Variants in ENPP3 observed in about 807,000 individuals in gnomAD.
ENPP3 encodes ectonucleotide pyrophosphatase/phosphodiesterase 3.
ENPP3 carries 104 observed loss-of-function variants against 117.8 expected under a neutral mutation model. The ratio of observed to expected loss-of-function variants is 0.88; its 90% confidence interval spans 0.75 to 1.04. The LOEUF (loss-of-function observed/expected upper bound fraction) is 1.04. Among genes scored for constraint, ENPP3 ranks in the 50% least tolerant of loss-of-function variants. The pLI is 0.00. For missense variants in ENPP3, 1,026 were observed against 1,051.9 expected (o/e 0.98, Z 0.34); for synonymous variants, 380 against 349.9 (o/e 1.09, Z -0.96).
intron 6 of ENPP3, 126 bp from the exon 7 acceptor site, chr6:131,671,122 T>C: frequency 1.5e-6 from 1 of 660,296 alleles, no homozygotes; most frequent in Non-Finnish European, 2.7e-6. Flanking sequence ...TCAACCTCTT[T>C]CCATCTTTAA....
chr6:131,695,339 T>C (rs756290205), intron 15 of ENPP3, among the ~76,000 whole-genome samples: 1 of 152,170 alleles, frequency 6.6e-6, no homozygotes, highest in Non-Finnish European at 1.5e-5. Flanking sequence ...CAAATACCTC[T>C]GGGTATCATG....
At chr6:131,740,151 T>C in intron 23 of ENPP3, 73 bp from the exon 24 acceptor site, 1 of 1,176,414 alleles carries the variant, frequency 8.5e-7, no homozygotes, top group Non-Finnish European at 1.1e-6. Context: ...AAAAAAACTA[T>C]GTAAACACAC....
intron 15 of ENPP3, 28 bp downstream of exon 15, chr6:131,693,652 A>T: frequency 6.2e-7 from 1 of 1,602,350 alleles, no homozygotes. Flanking sequence ...CTTATCTCAT[A>T]ATGCCTTTAA....
In ENPP3 at chr6:131,747,006, C is replaced by A; in HGVS notation, c.*50C>A. 2.9e-6 allele frequency: 3 copies of A among 1,036,468 alleles called. No individual in the cohort carries two copies. Among genetic ancestry groups the A allele is most frequent in the Non-Finnish European group, 4.0e-6 (3 of 757,362 alleles). The allele number at this position is 1,036,468 out of a possible 1,614,324, so 64.2% of individuals were successfully genotyped here. ...AATTTACTGTATAAAGTAATTTTGG[C>A]AAAATATAAGTGATTTTTTTCTGGA... On this transcript the variant is annotated 3_prime_UTR_variant, in exon 25 of 25. Coordinates refer to ENST00000357639, the MANE Select transcript of ENPP3 (RefSeq NM_005021.5).
chr6:131,674,383 C>A (rs1170439075), intron 8 of ENPP3, 102 bp downstream of exon 8: 7 of 1,178,518 alleles, frequency 5.9e-6, no homozygotes, highest in Non-Finnish European at 8.9e-6. Flanking sequence ...TGTCACCCAT[C>A]TAGTTTCTAA....
Position 131,738,138 on chromosome 6 carries a change from T to G in ENPP3, c.2275T>G (p.Phe759Val), listed in dbSNP as rs1167323775. ...PIFDYNYDGH[F>V]DAPDEITKHL... ...ATTTGATTATAATTATGATGGCCAT[T>G]TTGATGCTCCAGATGAAATTACCAA... Residue 759 changes from phenylalanine (F) to valine (V), a missense_variant, in exon 23 of 25, where the codon TTT becomes GTT. Coordinates refer to ENST00000357639, the MANE Select transcript of ENPP3 (RefSeq NM_005021.5). 1.2e-6 allele frequency: 2 copies of G among 1,611,496 alleles called. No homozygotes were observed. Among genetic ancestry groups the G allele is most frequent in the South Asian group, 1.1e-5 (1 of 90,740 alleles).
Position 131,740,505 on chromosome 6 carries a change from A to G in ENPP3, c.2457+125A>G, listed in dbSNP as rs77348150. On this transcript the variant is annotated intron_variant, in intron 24 of 24. Transcript: ENST00000357639. ...TTTCATGGGAAAAGTTATAACACAA[A>G]TGACTTCATTTTTAGGCTTTTCCTT... 19 of 609,894 alleles carry G rather than the reference A, an allele frequency of 3.1e-5. No individual in the cohort carries two copies. In the East Asian group the frequency reaches 3.8e-4, roughly 12 times the overall value. The allele number at this position is 609,894 out of a possible 1,614,324, so 37.8% of individuals were successfully genotyped here.
At chr6:131,717,908 T>C (rs1296746910) in intron 15 of ENPP3, among the ~76,000 whole-genome samples, 1 of 152,172 alleles carries the variant, frequency 6.6e-6, no homozygotes, top group Non-Finnish European at 1.5e-5. Context: ...ATCCTTACCA[T>C]TGTGTTACAG....
intron 11 of ENPP3, among the ~76,000 whole-genome samples, chr6:131,680,435 A>G (rs1209869899): frequency 1.3e-5 from 2 of 152,210 alleles, no homozygotes; most frequent in Admixed American, 1.3e-4. Context: ...GGATGTCCAG[A>G]AGACAAATAA....
intron 9 of ENPP3, 113 bp from the exon 10 acceptor site, chr6:131,676,623 T>C (rs1434124109): frequency 8.5e-6 from 6 of 704,800 alleles, no homozygotes; most frequent in Middle Eastern, 3.1e-4. Context: ...ATTGTGATTA[T>C]ATAGGAACAC....
chr6:131,644,465 T>C (rs544641395), intron 2 of ENPP3, among the ~76,000 whole-genome samples: 36 of 152,284 alleles, frequency 2.4e-4, no homozygotes, highest in South Asian at 1.2e-3. Flanking sequence ...TCTGGATCTA[T>C]TTTGATGGGG....
chr6:131,710,570 C>T (rs775285762), intron 15 of ENPP3: 3 of 1,613,032 alleles, frequency 1.9e-6, no homozygotes, highest in Non-Finnish European at 2.5e-6. Flanking sequence ...AAGTCTTTTT[C>T]TAGACAGAGG....
At chr6:131,727,104 A>G (rs1780170509) in intron 20 of ENPP3, among the ~76,000 whole-genome samples, 1 of 152,238 alleles carries the variant, frequency 6.6e-6, no homozygotes, top group Non-Finnish European at 1.5e-5. Context: ...GAAACAAGTT[A>G]TGAGTATCCA....
chr6:131,677,820 T>A (rs928998128), intron 10 of ENPP3, 48 bp from the exon 11 acceptor site: 14 of 1,233,098 alleles, frequency 1.1e-5, no homozygotes, highest in Non-Finnish European at 1.5e-5. Context: ...CCAGCCTGTA[T>A]GTTTATAGCA....
chr6:131,740,140 GA>G (rs1407894754), intron 23 of ENPP3, 83 bp from the exon 24 acceptor site: 6 of 1,034,902 alleles, frequency 5.8e-6, no homozygotes, highest in South Asian at 2.8e-5. Flanking sequence ...ACATGTATAT[GA>G]AAAAAACTAT....
At chr6:131,664,992 G>T (rs933845454) in intron 6 of ENPP3, among the ~76,000 whole-genome samples, 1 of 152,008 alleles carries the variant, frequency 6.6e-6, no homozygotes, top group African/African-American at 2.4e-5. Flanking sequence ...TGCTCTTTCT[G>T]CTTCTATTGA....
intron 15 of ENPP3, among the ~76,000 whole-genome samples, chr6:131,705,466 GAATT>G (rs1283236635): frequency 1.1e-4 from 16 of 152,122 alleles, no homozygotes; most frequent in African/African-American, 3.4e-4. Context: ...TATAGAAATA[GAATT>G]AATTTGATTG....
At chr6:131,671,549 T>G (rs1778742033) in intron 7 of ENPP3, among the ~76,000 whole-genome samples, 1 of 152,198 alleles carries the variant, frequency 6.6e-6, no homozygotes, top group African/African-American at 2.4e-5. Context: ...TTAGGTTAAT[T>G]CACCTGTGTC....
chr6:131,714,801 G>GTCCTCCACAGCTAGAACTGT (rs1779854973), intron 15 of ENPP3, among the ~76,000 whole-genome samples: 1 of 150,392 alleles, frequency 6.6e-6, no homozygotes, highest in African/African-American at 2.5e-5. Context: ...GGTTACTTAG[G>GTCCTCCACAGCTAGAACTGT]GTAATAGGTT....
Sources: gnomAD v4.1 joint callset for allele counts (sites outside exome capture counted in the v4.1 genomes callset) on GRCh38, gnomAD v4.1.1 for gene constraint, MANE v1.5 for transcripts, NCBI Gene and HGNC (gene_info 2026-07-23, HGNC 2026-07-21) for gene names.